The following VAX1 variants were observed in gnomAD, a reference collection of about 807,000 sequenced individuals.
The protein encoded by VAX1 is ventral anterior homeobox 1.
Under a neutral mutation model 17.6 loss-of-function variants are expected in VAX1, and 6 were observed. The ratio of observed to expected loss-of-function variants is 0.34; its 90% CI spans 0.19 to 0.67. The LOEUF is 0.67. VAX1 is among the 30% of genes least tolerant of loss of function. The pLI is 0.69. For missense variants in VAX1, 408 were observed against 463.7 expected (o/e 0.88, Z 1.10); for synonymous variants, 256 against 227.4 (o/e 1.13, Z -1.13).
chr10:117,134,406 C>G lies in VAX1; in HGVS notation c.607G>C (p.Gly203Arg), dbSNP rs1205383057. 1 of 1,483,054 alleles carries G rather than the reference C, an allele frequency of 6.7e-7. No homozygotes were observed. The allele number at this position is 1,483,054 out of a possible 1,614,324, so 91.9% of individuals were successfully genotyped here. A position where few individuals can be genotyped will look rare whatever the true frequency, so the allele number is the denominator to read the frequency against. Residue 203 changes from glycine to arginine, a missense_variant, in exon 3 of 3, where the codon GGC becomes CGC. Physicochemically the swap from Gly to Arg is moderately radical, Grantham distance 125. This residue lies in a region of VAX1 where 196 missense variants were observed against 218.7 expected (regional missense o/e 0.90). Coordinates refer to ENST00000369206, the MANE Select transcript of VAX1 (RefSeq NM_001112704.2). This position sits in a 1 kb window ranked among gnomAD's most constrained non-coding sequence, Gnocchi z 6.2. ...LPALLPPCAT[G>R]ALGSALRGPS... ...CCGCGCAGCGCTGAGCCGAGAGCGC[C>G]CGTGGCGCAAGGCGGCAGCAGCGCA...
Position 117,133,566 on chromosome 10 carries a change from G to C in VAX1, c.*442C>G, listed in dbSNP as rs903903195. The C allele has an allele frequency of 1.7e-5, 17 of 985,908 alleles. No individual in the cohort carries two copies. In the African/African-American group the frequency reaches 2.4e-4, roughly 14 times the overall value. The allele number at this position is 985,908 out of a possible 1,614,324, so 61.1% of individuals were successfully genotyped here. ...TCCTTTTTTGGTCTAAAGAAACCTG[G>C]AAGCCCCTGGGGTCTGCGCGCAGTT... On this transcript the variant is annotated 3_prime_UTR_variant, in exon 3 of 3. Transcript: ENST00000369206.
Position 117,133,984 on chromosome 10 carries a change from A to G in VAX1, c.*24T>C, listed in dbSNP as rs1386095453. ...TATCACCACAATAGATACTATAAAT[A>G]TAAATACAGGGAAACACTTAAAATC... On this transcript the variant is annotated 3_prime_UTR_variant, in exon 3 of 3. Coordinates refer to ENST00000369206, the MANE Select transcript of VAX1 (RefSeq NM_001112704.2). 1 of 1,498,170 alleles carries G rather than the reference A, an allele frequency of 6.7e-7. No homozygotes were observed. Among genetic ancestry groups the G allele is most frequent in the South Asian group, 1.3e-5 (1 of 76,608 alleles). The allele number at this position is 1,498,170 out of a possible 1,614,324, so 92.8% of individuals were successfully genotyped here. A position where few individuals can be genotyped will look rare whatever the true frequency, so the allele number is the denominator to read the frequency against.
At chr10:117,135,738 C>T (rs537925678) in intron 2 of VAX1, among the ~76,000 whole-genome samples, 1 of 152,386 alleles carries the variant, frequency 6.6e-6, no homozygotes, top group East Asian at 1.9e-4. Context: ...CCAGAGCCCA[C>T]ATGGCCAGCT....
Position 117,138,122 on chromosome 10 carries a change from G to A in VAX1, c.-66C>T, listed in dbSNP as rs1263617228. ...AAAAAAAAAAAAAAGGGGGGGGGGC[G>A]GAGAAGGAAAAAAAAAAGAGGAAAA... On this transcript the variant is annotated 5_prime_UTR_variant, in exon 1 of 3. Transcript: ENST00000369206. The A allele has an allele frequency of 1.7e-4, 31 of 186,038 alleles. 3 individuals carry two copies. The highest frequency in any genetic ancestry group is 1.9e-4 in the Non-Finnish European group (21 of 107,910). The allele number at this position is 186,038 out of a possible 1,614,324, so 11.5% of individuals were successfully genotyped here.
In VAX1 at chr10:117,134,777, C is replaced by T. The variant is rs1854150585; in HGVS notation, c.430-194G>A. ...TGGCGCCGCCACGAGGGGGACACAG[C>T]TGCTCCACCGGGCTGCGCTTCCGGG... On this transcript the variant is annotated intron_variant, in intron 2 of 2. Transcript: ENST00000369206. This position sits in a 1 kb window ranked among gnomAD's most constrained non-coding sequence, Gnocchi z 6.2. 6.6e-6 allele frequency among the ~76,000 whole-genome samples: 1 copy of T among 152,070 alleles called. No homozygotes were observed. The highest frequency in any genetic ancestry group is 1.5e-5 in the Non-Finnish European group (1 of 68,014).
chr10:117,137,902 G>A lies in VAX1; in HGVS notation c.155C>T (p.Ser52Leu). The A allele has an allele frequency of 6.2e-7, 1 of 1,613,904 alleles. No individual in the cohort carries two copies. Among genetic ancestry groups the A allele is most frequent in the South Asian group, 1.1e-5 (1 of 91,084 alleles). ...AFLKEPQGAF[S>L]ASGAAEDCNK... is the part of the protein sequence containing the mutation. Reference sequence around the variant, plus strand: ...ACAATCCTCAGCAGCGCCCGACGCTGAGAAGGCGCCCTGCGGCTCCTTGAG... The same window carrying A: ...ACAATCCTCAGCAGCGCCCGACGCTAAGAAGGCGCCCTGCGGCTCCTTGAG... The change falls in exon 1 of 3, where the codon TCA becomes TTA. Residue 52 changes from serine (S) to leucine (L), a missense_variant. Around this residue, in one of 4 missense-constraint regions of VAX1, gnomAD observed 133 missense variants for 112.0 expected, o/e 1.19. Transcript: ENST00000369206. This position sits in a 1 kb window ranked among gnomAD's most constrained non-coding sequence, Gnocchi z 7.4.
At position 117,137,729 on chromosome 10, in the gene VAX1, C is replaced by T; in HGVS notation, c.241+87G>A. 6.3e-6 allele frequency: 10 copies of T among 1,598,056 alleles called. No individual in the cohort carries two copies. The highest frequency in any genetic ancestry group is 8.5e-6 in the Non-Finnish European group (10 of 1,178,628). The stretch of plus-strand genomic sequence containing the variant: ...TCCCAAGTCCCAGCCGGCACTCCTT[C>T]CCACCGGCCTGTGTCGGCGGCAGCG... On this transcript the variant is annotated intron_variant, in intron 1 of 2. Coordinates refer to ENST00000369206, the MANE Select transcript of VAX1 (RefSeq NM_001112704.2). The surrounding 1 kb of genome is among the most constrained non-coding windows in gnomAD (Gnocchi z 7.4).
chr10:117,136,526 C>G lies in VAX1; in HGVS notation c.375G>C (p.Val125=), dbSNP rs753533789. The G allele has an allele frequency of 1.5e-4, 250 of 1,613,680 alleles. No homozygotes were observed. The highest frequency in any genetic ancestry group is 1.8e-4 in the Non-Finnish European group (210 of 1,180,018). Residue 125 remains valine (V), a synonymous_variant, in exon 2 of 3, where the codon GTG becomes GTC. Coordinates refer to ENST00000369206, the MANE Select transcript of VAX1 (RefSeq NM_001112704.2). This position sits in a 1 kb window ranked among gnomAD's most constrained non-coding sequence, Gnocchi z 5.0. ...CGAGCTCGGTCCTCTCGCGGCCCAC[C>G]ACGTACTGGCAGCGCTGGAACTCCA... ...LEMEFQRCQY[V]VGRERTELAR...
chr10:117,137,150 C>G lies in VAX1; in HGVS notation c.242-491G>C, dbSNP rs1022982517. 4.0e-5 allele frequency among the ~76,000 whole-genome samples: 6 copies of G among 151,810 alleles called. No individual in the cohort carries two copies. The highest frequency in any genetic ancestry group is 7.3e-5 in the African/African-American group (3 of 41,376). ...GGACTGAGTCGGGGCCGGCCGGGCC[C>G]GGAGATCTGCTGCTGGCTGGGGCGG... On this transcript the variant is annotated intron_variant, in intron 1 of 2. Transcript: ENST00000369206. The surrounding 1 kb of genome is among the most constrained non-coding windows in gnomAD (Gnocchi z 7.4).
rs541261611 is a variant in VAX1 at position 117,137,314 on chromosome 10, C to G, written c.241+502G>C. Among the ~76,000 whole-genome samples, 25 of 152,038 alleles carry G rather than the reference C, an allele frequency of 1.6e-4. No homozygotes were observed. Among genetic ancestry groups the G allele is most frequent in the African/African-American group, 6.0e-4 (25 of 41,498 alleles). On this transcript the variant is annotated intron_variant, in intron 1 of 2. Transcript: ENST00000369206. The surrounding 1 kb of genome is among the most constrained non-coding windows in gnomAD (Gnocchi z 7.4). Reference sequence around the variant, plus strand: ...GCCCAGCTGCCTCTCCCGGCGGCAGCGGTCGGGCACCGATCGCGGCCGTGG... The same window carrying G: ...GCCCAGCTGCCTCTCCCGGCGGCAGGGGTCGGGCACCGATCGCGGCCGTGG...
Position 117,136,348 on chromosome 10 carries a change from C to A in VAX1, c.429+124G>T. The A allele has an allele frequency of 8.4e-7, 1 of 1,190,984 alleles. No individual in the cohort carries two copies. The highest frequency in any genetic ancestry group is 1.5e-5 in the South Asian group (1 of 68,440). The allele number at this position is 1,190,984 out of a possible 1,614,324, so 73.8% of individuals were successfully genotyped here. A position where few individuals can be genotyped will look rare whatever the true frequency, so the allele number is the denominator to read the frequency against. The stretch of plus-strand genomic sequence containing the variant: ...CTTAGGCCTGTCTTACCCATCCTTC[C>A]CATCTCCTCCACCTCCCAAGGGTAG... On this transcript the variant is annotated intron_variant, in intron 2 of 2. Transcript: ENST00000369206. This position sits in a 1 kb window ranked among gnomAD's most constrained non-coding sequence, Gnocchi z 5.0.
Position 117,138,270 on chromosome 10 carries a change from T to A in VAX1, c.-214A>T. 1.6e-6 allele frequency: 1 copy of A among 623,456 alleles called. No individual in the cohort carries two copies. The highest frequency in any genetic ancestry group is 2.7e-6 in the Non-Finnish European group (1 of 368,790). 38.6% of individuals were successfully genotyped at this position (623,456 alleles called of 1,614,324 possible). On this transcript the variant is annotated 5_prime_UTR_variant, in exon 1 of 3. Transcript: ENST00000369206. The stretch of plus-strand genomic sequence containing the variant: ...GCGCGGGTCAGCGGCGACGGGAGAG[T>A]GGCGCGCTCGCCGAGAGGCGGCCAG...
chr10:117,131,564 G>A (rs1013048626), downstream of VAX1: 4 of 152,354 alleles, frequency 2.6e-5, no homozygotes, highest in Non-Finnish European at 5.9e-5. Flanking sequence ...TAGGGCCGGT[G>A]CCGCACGGGA....
chr10:117,137,750 C>T lies in VAX1; in HGVS notation c.241+66G>A. On this transcript the variant is annotated intron_variant, in intron 1 of 2. Coordinates refer to ENST00000369206, the MANE Select transcript of VAX1 (RefSeq NM_001112704.2). This position sits in a 1 kb window ranked among gnomAD's most constrained non-coding sequence, Gnocchi z 7.4. ...CCTTCCCACCGGCCTGTGTCGGCGG[C>T]AGCGCGCAGCTCCGGCCCCGGAGTC... 4.4e-6 allele frequency: 7 copies of T among 1,603,302 alleles called. No individual in the cohort carries two copies. In the South Asian group the frequency reaches 7.7e-5, roughly 18 times the overall value.
In VAX1 at chr10:117,137,933, C is replaced by T. The variant is rs938651186; in HGVS notation, c.124G>A (p.Ala42Thr). The T allele has an allele frequency of 6.2e-7, 1 of 1,613,804 alleles. No homozygotes were observed. The highest frequency in any genetic ancestry group is 1.7e-5 in the Admixed American group (1 of 60,030). Residue 42 changes from alanine (A) to threonine (T), a missense_variant, in exon 1 of 3, where the codon GCC (alanine) becomes ACC (threonine). Physicochemically the swap from Ala to Thr is moderately conservative, Grantham distance 58. Around this residue, in one of 4 missense-constraint regions of VAX1, gnomAD observed 133 missense variants for 112.0 expected, o/e 1.19. Coordinates refer to ENST00000369206, the MANE Select transcript of VAX1 (RefSeq NM_001112704.2). The surrounding 1 kb of genome is among the most constrained non-coding windows in gnomAD (Gnocchi z 7.4). ...SKGAEGNLPAAFLKEPQGAFS... is the reference protein window; with the variant it reads ...SKGAEGNLPATFLKEPQGAFS... ...GCGCCCTGCGGCTCCTTGAGGAAGG[C>T]GGCTGGGAGGTTCCCCTCCGCGCCC...
At chr10:117,128,635 T>C (rs1854046820), downstream of VAX1, 1 of 152,246 alleles carries the variant, frequency 6.6e-6, no homozygotes. Context: ...AATGTGTTTC[T>C]AGAAAGAAAA....
In VAX1 at chr10:117,134,855, T is replaced by A. The variant is rs1485022222; in HGVS notation, c.430-272A>T. Among the ~76,000 whole-genome samples the A allele has an allele frequency of 6.6e-6, 1 of 152,060 alleles. No individual in the cohort carries two copies. Among genetic ancestry groups the A allele is most frequent in the Admixed American group, 6.5e-5 (1 of 15,284 alleles). On this transcript the variant is annotated intron_variant, in intron 2 of 2. Transcript: ENST00000369206. The surrounding 1 kb of genome is among the most constrained non-coding windows in gnomAD (Gnocchi z 6.2). ...GCTTACACAGAACAAAGTAATAAAATGCCCACGGCAGGAACTCGAAGGAAG... is the reference window on the plus strand; with the variant it reads ...GCTTACACAGAACAAAGTAATAAAAAGCCCACGGCAGGAACTCGAAGGAAG...
chr10:117,131,769 G>C (rs1372024969), downstream of VAX1: 3 of 160,214 alleles, frequency 1.9e-5, no homozygotes, highest in African/African-American at 7.2e-5. Context: ...TAAGCACCAG[G>C]GTGAGGAGGT....
In VAX1 at chr10:117,137,062, A is replaced by T. The variant is rs1854190795; in HGVS notation, c.242-403T>A. 6.6e-6 allele frequency among the ~76,000 whole-genome samples: 1 copy of T among 151,498 alleles called. No homozygotes were observed. Among genetic ancestry groups the T allele is most frequent in the Non-Finnish European group, 1.5e-5 (1 of 67,822 alleles). ...GGGCTTGCCGACCAGACCGTGATCC[A>T]GACGTCCCCACCCCCACCCTCGAGT... is the stretch of plus-strand genomic sequence containing the variant. On this transcript the variant is annotated intron_variant, in intron 1 of 2. Coordinates refer to ENST00000369206, the MANE Select transcript of VAX1 (RefSeq NM_001112704.2). The surrounding 1 kb of genome is among the most constrained non-coding windows in gnomAD (Gnocchi z 7.4).
Sources: allele counts gnomAD v4.1 joint callset (sites outside exome capture counted in the v4.1 genomes callset), GRCh38; gene constraint gnomAD v4.1.1; regional missense constraint gnomAD v4.1.1; non-coding constraint Gnocchi (gnomAD v3.1); transcripts MANE v1.5; gene names NCBI Gene and HGNC (gene_info 2026-07-23, HGNC 2026-07-21).